CIMAP3: variants seen among roughly 807,000 people sequenced by gnomAD.
The protein encoded by CIMAP3 is ciliary microtubule-associated protein 3.
At chr1:111,348,712 A>C in the CIMAP3 span, 1 of 1,440,810 alleles carries the variant, frequency 6.9e-7, no homozygotes, top group Non-Finnish European at 9.3e-7. Flanking sequence ...AGTACGTAAT[A>C]AAAGAAGCAC....
At chr1:111,345,248 G>T in the CIMAP3 span, among the ~76,000 whole-genome samples, 1 of 152,154 alleles carries the variant, frequency 6.6e-6, no homozygotes, top group African/African-American at 2.4e-5. Context: ...TAGACAAAAT[G>T]CTTGGAGTAA....
chr1:111,341,261 T>G, the CIMAP3 span, among the ~76,000 whole-genome samples: 1 of 151,616 alleles, frequency 6.6e-6, no homozygotes. Context: ...TAATGCTAGA[T>G]GACGAGTTAG....
At chr1:111,343,219 T>C in the CIMAP3 span, among the ~76,000 whole-genome samples, 5 of 151,958 alleles carry the variant, frequency 3.3e-5, no homozygotes, top group African/African-American at 1.2e-4. Flanking sequence ...CTGTGTTGAA[T>C]TGATTATTAT....
the CIMAP3 span, chr1:111,352,724 CCACATGTG>C: frequency 6.6e-6 from 1 of 152,014 alleles, no homozygotes; most frequent in Admixed American, 6.6e-5. Context: ...TCCTTTGTAC[CCACATGTG>C]CAGATTTTTT....
the CIMAP3 span, among the ~76,000 whole-genome samples, chr1:111,329,432 T>C: frequency 6.6e-6 from 1 of 150,772 alleles, no homozygotes; most frequent in Non-Finnish European, 1.5e-5. Context: ...GATATACTGA[T>C]ACATGTTTTC....
At chr1:111,332,790 C>T in the CIMAP3 span, among the ~76,000 whole-genome samples, 9 of 152,180 alleles carry the variant, frequency 5.9e-5, no homozygotes, top group South Asian at 1.9e-3. Context: ...AGGAGGTGAC[C>T]CACAGGATAG....
the CIMAP3 span, chr1:111,352,248 G>A: frequency 0.15 from 23,475 of 152,600 alleles, 1,954 homozygotes; most frequent in African/African-American, 0.21. Flanking sequence ...GGCACTAAAT[G>A]TGATTTAATC....
the CIMAP3 span, among the ~76,000 whole-genome samples, chr1:111,336,892 T>G: frequency 6.6e-6 from 1 of 151,768 alleles, no homozygotes; most frequent in Non-Finnish European, 1.5e-5. Context: ...AGACACATAA[T>G]TGTCAGATTC....
chr1:111,325,261 A>T, the CIMAP3 span, among the ~76,000 whole-genome samples: 1 of 152,242 alleles, frequency 6.6e-6, no homozygotes, highest in Admixed American at 6.5e-5. Flanking sequence ...TTAGGAGGAA[A>T]GAAATGATTC....
chr1:111,338,279 T>G, the CIMAP3 span, among the ~76,000 whole-genome samples: 1,229 of 151,546 alleles, frequency 8.1e-3, 14 homozygotes, highest in African/African-American at 0.028. Context: ...ACATCACAAT[T>G]AAAAGAACTA....
At chr1:111,328,459 G>C in the CIMAP3 span, among the ~76,000 whole-genome samples, 73,635 of 151,956 alleles carry the variant, frequency 0.48, 18,103 homozygotes, top group South Asian at 0.54. Context: ...GTTGAAGTCT[G>C]TCAATATTAT....
the CIMAP3 span, among the ~76,000 whole-genome samples, chr1:111,325,988 G>C: frequency 6.6e-6 from 1 of 152,190 alleles, no homozygotes; most frequent in African/African-American, 2.4e-5. Context: ...CCATTGAAAT[G>C]AAAAGAGGAA....
chr1:111,341,517 G>T, the CIMAP3 span, among the ~76,000 whole-genome samples: 1 of 152,142 alleles, frequency 6.6e-6, no homozygotes, highest in Non-Finnish European at 1.5e-5. Flanking sequence ...TGCTCTGTGT[G>T]GCCTGTGTGA....
At chr1:111,340,438 A>C in the CIMAP3 span, among the ~76,000 whole-genome samples, 2 of 152,190 alleles carry the variant, frequency 1.3e-5, no homozygotes, top group South Asian at 2.1e-4. Flanking sequence ...AATTGGAGAA[A>C]ATTTTCGCAA....
At chr1:111,332,695 G>A in the CIMAP3 span, among the ~76,000 whole-genome samples, 2 of 152,194 alleles carry the variant, frequency 1.3e-5, no homozygotes, top group Non-Finnish European at 2.9e-5. Context: ...CTGCTCAGCT[G>A]GTCTGGAAGG....
At chr1:111,324,917 T>A in the CIMAP3 span, 1 of 959,482 alleles carries the variant, frequency 1.0e-6, no homozygotes, top group Non-Finnish European at 1.2e-6. Context: ...CTCTAGTAGA[T>A]GTATGAAAAC....
the CIMAP3 span, among the ~76,000 whole-genome samples, chr1:111,340,014 A>T: frequency 2.5e-4 from 38 of 151,802 alleles, 1 homozygote; most frequent in African/African-American, 8.8e-4. Flanking sequence ...AGAGATACAG[A>T]TCAATGGAAC....
At chr1:111,348,789 G>T in the CIMAP3 span, 54 of 825,060 alleles carry the variant, frequency 6.5e-5, no homozygotes, top group Non-Finnish European at 9.1e-5. Flanking sequence ...TTAATCAATT[G>T]TCTCACAGAT....
At chr1:111,346,741 C>A in the CIMAP3 span, 1 of 1,578,962 alleles carries the variant, frequency 6.3e-7, no homozygotes, top group Non-Finnish European at 8.7e-7. Context: ...CTGGGAAAGA[C>A]GAAGTGGGAG....
Sources: allele counts gnomAD v4.1 joint callset (sites outside exome capture counted in the v4.1 genomes callset), GRCh38; gene constraint gnomAD v4.1.1; transcripts MANE v1.5; gene names NCBI Gene and HGNC (gene_info 2026-07-23, HGNC 2026-07-21).